RBFOX1: variants seen among roughly 807,000 people sequenced by gnomAD.
The protein encoded by RBFOX1 is RNA binding fox-1 homolog 1.
Under a neutral mutation model 57.7 loss-of-function variants are expected in RBFOX1, and 8 were observed. The observed-to-expected ratio is 0.14, with a 90% CI of 0.08 to 0.25. The LOEUF (loss-of-function observed/expected upper bound fraction) is 0.25, where lower values mean the gene tolerates loss of function less well. Among genes scored for constraint, RBFOX1 ranks in the 10% least tolerant of loss-of-function variants. RBFOX1 has a pLI of 1.00. For missense variants in RBFOX1, 611 were observed against 548.5 expected, an observed-to-expected ratio of 1.11 and a Z score of -1.14; for synonymous variants, 326 against 222.4, an observed-to-expected ratio of 1.47 and a Z score of -4.15.
intron 3 of RBFOX1, among the ~76,000 whole-genome samples, chr16:7,002,626 C>G (rs550309916): frequency 6.6e-6 from 1 of 152,078 alleles, no homozygotes; most frequent in Non-Finnish European, 1.5e-5. Flanking sequence ...GCAGGAGAAT[C>G]GCTTGAACCT....
Position 7,407,083 on chromosome 16 carries a change from G to A in RBFOX1, c.28-111064G>A, listed in dbSNP as rs548424091. On this transcript the variant is annotated intron_variant, in intron 4 of 15. Transcript: ENST00000550418. ...GATCTTAATGTTTTTTATTTTCATAGGTTTTTGGGGGAACGGGTGGTATTT... is the reference window on the plus strand; with the variant it reads ...GATCTTAATGTTTTTTATTTTCATAAGTTTTTGGGGGAACGGGTGGTATTT... 8.5e-5 allele frequency among the ~76,000 whole-genome samples: 13 copies of A among 152,216 alleles called. No homozygotes were observed. The South Asian group carries it at 2.7e-3, about 32-fold the overall frequency.
chr16:7,070,036 C>T (rs2056998075), intron 4 of RBFOX1, among the ~76,000 whole-genome samples: 2 of 152,134 alleles, frequency 1.3e-5, no homozygotes, highest in African/African-American at 2.4e-5. Flanking sequence ...AGTCTTTTAT[C>T]CCTCCTCCTC....
At chr16:7,437,258 C>CCG (rs80295604) in intron 4 of RBFOX1, among the ~76,000 whole-genome samples, 41,344 of 150,600 alleles carry the variant, frequency 0.27, 7,035 homozygotes, top group Middle Eastern at 0.39. Flanking sequence ...TTGCCCCCCC[C>CCG]CCCTTTCTGT....
At chr16:7,449,516 C>T (rs959971241) in intron 4 of RBFOX1, among the ~76,000 whole-genome samples, 2 of 152,124 alleles carry the variant, frequency 1.3e-5, no homozygotes, top group Non-Finnish European at 2.9e-5. Context: ...GAGTCATGAT[C>T]TATCATATTG....
chr16:7,037,938 C>T (rs915595980), intron 3 of RBFOX1, among the ~76,000 whole-genome samples: 1 of 152,052 alleles, frequency 6.6e-6, no homozygotes, highest in Non-Finnish European at 1.5e-5. Flanking sequence ...TTATCAACTT[C>T]TGATAAAATT....
chr16:6,711,215 C>T (rs2063653213), intron 3 of RBFOX1, among the ~76,000 whole-genome samples: 1 of 152,192 alleles, frequency 6.6e-6, no homozygotes. Context: ...TCTGTCTTTT[C>T]TTGCCTGGAT....
intron 4 of RBFOX1, among the ~76,000 whole-genome samples, chr16:7,329,708 C>T (rs752521452): frequency 3.3e-5 from 5 of 151,974 alleles, no homozygotes; most frequent in Non-Finnish European, 7.4e-5. Context: ...ATGGTGATCG[C>T]GACTGGAGGT....
chr16:5,784,499 A>G (rs57606741), intron 3 of RBFOX1, among the ~76,000 whole-genome samples: 53,146 of 151,722 alleles, frequency 0.35, 10,021 homozygotes, highest in East Asian at 0.55. Flanking sequence ...CGGGGGAGGT[A>G]CTACACACTT....
At chr16:5,359,326 T>C (rs2065478616) in intron 1 of RBFOX1, among the ~76,000 whole-genome samples, 1 of 152,248 alleles carries the variant, frequency 6.6e-6, no homozygotes, top group Non-Finnish European at 1.5e-5. Flanking sequence ...TTTGCGTGTA[T>C]ACCCAGCAAT....
chr16:7,319,986 G>C (rs2096516188), intron 4 of RBFOX1, among the ~76,000 whole-genome samples: 1 of 152,174 alleles, frequency 6.6e-6, no homozygotes, highest in African/African-American at 2.4e-5. Context: ...AAATTAAGCA[G>C]AACATATCTT....
chr16:7,065,107 C>T (rs1212391545), intron 4 of RBFOX1, among the ~76,000 whole-genome samples: 2 of 152,150 alleles, frequency 1.3e-5, no homozygotes, highest in African/African-American at 4.8e-5. Context: ...AGTTTACAGC[C>T]TCCTGTGAGA....
chr16:6,765,107 C>G (rs1365778708), intron 3 of RBFOX1, among the ~76,000 whole-genome samples: 3 of 151,982 alleles, frequency 2.0e-5, no homozygotes, highest in Non-Finnish European at 2.9e-5. Context: ...GAAGCGTGCT[C>G]TAGGCTGATG....
intron 2 of RBFOX1, among the ~76,000 whole-genome samples, chr16:5,503,672 GAC>G (rs1486067189): frequency 2.0e-5 from 3 of 152,126 alleles, no homozygotes; most frequent in African/African-American, 7.2e-5. Context: ...TTGAACTCCT[GAC>G]CTGAGGTGAT....
chr16:5,628,018 A>G (rs1231407257), intron 3 of RBFOX1, among the ~76,000 whole-genome samples: 1 of 152,234 alleles, frequency 6.6e-6, no homozygotes, highest in Non-Finnish European at 1.5e-5. Context: ...CTCTTCTGCC[A>G]TCAGAGAGAG....
intron 2 of RBFOX1, among the ~76,000 whole-genome samples, chr16:6,434,989 A>G (rs1567266602): frequency 6.6e-6 from 1 of 152,226 alleles, no homozygotes; most frequent in African/African-American, 2.4e-5. Context: ...TGTTCCATTT[A>G]TTAACATTCT....
chr16:6,674,008 CT>C (rs2098784754), intron 3 of RBFOX1, among the ~76,000 whole-genome samples: 1 of 152,094 alleles, frequency 6.6e-6, no homozygotes, highest in Non-Finnish European at 1.5e-5. Flanking sequence ...GGAATTACTT[CT>C]TTTAGAGACA....
intron 10 of RBFOX1, among the ~76,000 whole-genome samples, chr16:7,611,132 G>A (rs76839801): frequency 0.15 from 22,068 of 152,164 alleles, 2,395 homozygotes; most frequent in East Asian, 0.62. Flanking sequence ...TGAAGCTTAT[G>A]CAGAATTAAC....
intron 1 of RBFOX1, among the ~76,000 whole-genome samples, chr16:6,149,133 G>A (rs951337174): frequency 5.3e-5 from 8 of 152,224 alleles, no homozygotes; most frequent in Non-Finnish European, 1.2e-4. Flanking sequence ...AAGTCATTAA[G>A]GTTTCTCATT....
rs569361161 is a variant in RBFOX1 at position 6,834,050 on chromosome 16, A to G, written c.-16+179400A>G. Reference sequence around the variant, plus strand: ...TTTAAAGGTTGGGGGTACCTGATCCAATAAATATTTTTTTTTCTATTTTTA... The same window carrying G: ...TTTAAAGGTTGGGGGTACCTGATCCGATAAATATTTTTTTTTCTATTTTTA... On this transcript the variant is annotated intron_variant, in intron 3 of 15. Transcript: ENST00000550418. Among the ~76,000 whole-genome samples the G allele has an allele frequency of 1.3e-4, 15 of 116,042 alleles. No individual in the cohort carries two copies. The South Asian group carries it at 3.8e-3, about 29-fold the overall frequency. 76.1% of individuals were successfully genotyped at this position (116,042 alleles called of 152,430 possible). A position where few individuals can be genotyped will look rare whatever the true frequency, so the allele number is the denominator to read the frequency against.
Sources: allele counts gnomAD v4.1 joint callset (sites outside exome capture counted in the v4.1 genomes callset), GRCh38; gene constraint gnomAD v4.1.1; transcripts MANE v1.5; gene names NCBI Gene and HGNC (gene_info 2026-07-23, HGNC 2026-07-21).